GPN1: variants seen among roughly 807,000 people sequenced by gnomAD.
GPN1 encodes GPN-loop GTPase 1.
GPN1 carries 44 observed loss-of-function variants against 55.9 expected under a neutral mutation model. The ratio of observed to expected loss-of-function variants is 0.79; its 90% CI spans 0.62 to 1.01. The LOEUF (loss-of-function observed/expected upper bound fraction) is 1.01, where lower values mean the gene tolerates loss of function less well. Ranked by LOEUF, GPN1 falls within the 50% of genes least tolerant of loss-of-function variation. The pLI is 0.00. For synonymous variants in GPN1, 179 were observed against 162.5 expected (o/e 1.10, Z -0.77); for missense variants, 466 against 462.8 (o/e 1.01, Z -0.06).
intron 9 of GPN1, among the ~76,000 whole-genome samples, chr2:27,639,724 A>G (rs75559358): frequency 1.3e-5 from 2 of 151,946 alleles, no homozygotes; most frequent in Admixed American, 6.6e-5. Context: ...GGGTCTCGCT[A>G]TGTTCCCCAG....
At chr2:27,642,958 T>TATATATAC (rs10643705) in intron 12 of GPN1, among the ~76,000 whole-genome samples, 11 of 122,610 alleles carry the variant, frequency 9.0e-5, no homozygotes, top group African/African-American at 2.7e-4. Flanking sequence ...TATATATATA[T>TATATATAC]ACACACACAC....
chr2:27,631,855 C>A lies in GPN1; in HGVS notation c.267C>A (p.Gly89=). ...VMKQYGLGPN[G]GIVTSLNLFA... ...CTAGATATGGACTTGGACCCAATGG[C>A]GGCATAGTGACCTCACTCAATCTCT... Residue 89 remains glycine, a synonymous_variant, in exon 4 of 14, where the codon GGC becomes GGA. Transcript: ENST00000610189. 6.2e-7 allele frequency: 1 copy of A among 1,600,804 alleles called. No individual in the cohort carries two copies. Among genetic ancestry groups the A allele is most frequent in the Non-Finnish European group, 8.6e-7 (1 of 1,167,898 alleles).
In GPN1 at chr2:27,635,145, C is replaced by T. The variant is rs368001974; in HGVS notation, c.435C>T (p.Ser145=). 25 of 1,582,392 alleles carry T rather than the reference C, an allele frequency of 1.6e-5. No individual in the cohort carries two copies. Among genetic ancestry groups the T allele is most frequent in the Non-Finnish European group, 2.2e-5 (25 of 1,153,760 alleles). ...SGTIITEALA[S]SFPTVVIYVM... is the part of the protein sequence containing the mutation. Reference sequence around the variant, plus strand: ...TGATTTTTTTGTGGCTTTAGGCATCCTCATTTCCAACAGTTGTCATCTATG... The same window carrying T: ...TGATTTTTTTGTGGCTTTAGGCATCTTCATTTCCAACAGTTGTCATCTATG... Residue 145 remains serine, a synonymous_variant, in exon 7 of 14, where the codon TCC becomes TCT. Coordinates refer to ENST00000610189, the MANE Select transcript of GPN1 (RefSeq NM_007266.4).
At position 27,643,137 on chromosome 2, in the gene GPN1, T is replaced by G. The variant is rs1284172822; in HGVS notation, c.931+618T>G. On this transcript the variant is annotated intron_variant, in intron 12 of 13. Coordinates refer to ENST00000610189, the MANE Select transcript of GPN1 (RefSeq NM_007266.4). This position sits in a 1 kb window ranked among gnomAD's most constrained non-coding sequence, Gnocchi z 4.0. ...ATATACTTGATGTGTGCTGTGGTGGTTTTTTTTGTTTGTTTCTAACACTTT... is the reference window on the plus strand; with the variant it reads ...ATATACTTGATGTGTGCTGTGGTGGGTTTTTTTGTTTGTTTCTAACACTTT... Among the ~76,000 whole-genome samples, 3 of 151,056 alleles carry G rather than the reference T, an allele frequency of 2.0e-5. No individual in the cohort carries two copies. Among genetic ancestry groups the G allele is most frequent in the South Asian group, 2.1e-4 (1 of 4,800 alleles).
chr2:27,637,391 G>A (rs2141371), intron 7 of GPN1, among the ~76,000 whole-genome samples: 91,590 of 151,846 alleles, frequency 0.6, 28,560 homozygotes, highest in Middle Eastern at 0.7. Flanking sequence ...AGGTGCATAT[G>A]AGTAAACCTT....
In GPN1 at chr2:27,642,101, C is replaced by G. The variant is rs143029953; in HGVS notation, c.841-328C>G. 3.3e-3 allele frequency: 624 copies of G among 190,508 alleles called. 4 individuals carry two copies. Among genetic ancestry groups the G allele is most frequent in the African/African-American group, 0.014 (598 of 42,866 alleles). 11.8% of individuals were successfully genotyped at this position (190,508 alleles called of 1,614,324 possible). ...TTTCTATGTAGGCATTTTGCCTAGCCAGTTTAAATGTTCCAGTTCAATTAA... is the reference window on the plus strand; with the variant it reads ...TTTCTATGTAGGCATTTTGCCTAGCGAGTTTAAATGTTCCAGTTCAATTAA... On this transcript the variant is annotated intron_variant, in intron 11 of 13. Coordinates refer to ENST00000610189, the MANE Select transcript of GPN1 (RefSeq NM_007266.4).
At chr2:27,639,846 T>G (rs548383972) in intron 9 of GPN1, among the ~76,000 whole-genome samples, 197 bp from the exon 10 acceptor site, 1 of 152,320 alleles carries the variant, frequency 6.6e-6, no homozygotes, top group South Asian at 2.1e-4. Flanking sequence ...TTTCAATTTT[T>G]TATTTTCCAT....
Position 27,629,856 on chromosome 2 carries a change from C to T in GPN1, c.112-3C>T. On this transcript the variant is annotated splice_region_variant and splice_polypyrimidine_tract_variant and intron_variant, in intron 1 of 13. Transcript: ENST00000610189. ...TTCCAACCCTCTCCCCATATCTCTG[C>T]AGAGGCTCACAGGACACCTGCATGC... is the stretch of plus-strand genomic sequence containing the variant. 1.9e-6 allele frequency: 3 copies of T among 1,554,336 alleles called. No individual in the cohort carries two copies. The highest frequency in any genetic ancestry group is 2.7e-6 in the Non-Finnish European group (3 of 1,125,362).
intron 12 of GPN1, among the ~76,000 whole-genome samples, chr2:27,646,033 A>C (rs1674210073): frequency 1.3e-5 from 2 of 150,104 alleles, no homozygotes; most frequent in African/African-American, 4.9e-5. Flanking sequence ...CCCAGCTTGA[A>C]ATTTATGTAT....
At chr2:27,635,015 G>T in intron 6 of GPN1, 91 bp downstream of exon 6, 1 of 967,886 alleles carries the variant, frequency 1.0e-6, no homozygotes, top group Non-Finnish European at 1.7e-6. Flanking sequence ...TTATATGGGA[G>T]GAAGTTGTAG....
At chr2:27,629,204 C>T in intron 1 of GPN1, 35 bp downstream of exon 1, 1 of 1,604,116 alleles carries the variant, frequency 6.2e-7, no homozygotes, top group South Asian at 1.1e-5. Flanking sequence ...TAGGGGAGCG[C>T]AAAAGGTTGC....
intron 10 of GPN1, 92 bp from the exon 11 acceptor site, chr2:27,641,148 G>T: frequency 1.3e-6 from 1 of 788,834 alleles, no homozygotes; most frequent in South Asian, 1.6e-5. Context: ...TTTTATTATT[G>T]TCAGTCTTAG....
chr2:27,647,723 C>T (rs1159242163), intron 12 of GPN1, 113 bp from the exon 13 acceptor site: 19 of 651,568 alleles, frequency 2.9e-5, no homozygotes, highest in Admixed American at 4.7e-5. Flanking sequence ...TAAGATCCTG[C>T]GTTTATATGT....
rs1673717067 is a variant in GPN1, at chr2:27,635,952, T to C, written c.524+718T>C. ...ACAGGTGGCCAGGCATGGTGGCTCATGCCTATAATCCCAGCACTTGGGGAG... is the reference window on the plus strand; with the variant it reads ...ACAGGTGGCCAGGCATGGTGGCTCACGCCTATAATCCCAGCACTTGGGGAG... On this transcript the variant is annotated intron_variant, in intron 7 of 13. Transcript: ENST00000610189. Among the ~76,000 whole-genome samples, 4 of 152,106 alleles carry C rather than the reference T, an allele frequency of 2.6e-5. 1 individual carries two copies. The South Asian group carries it at 8.3e-4, about 32-fold the overall frequency.
chr2:27,641,257 A>G lies in GPN1; in HGVS notation c.818A>G (p.Tyr273Cys). The stretch of plus-strand genomic sequence containing the variant: ...CTTTACAGGGAGTATCGTCCTGAAT[A>G]TGAACGTCTGAAAAAATCACTGGTA... ...EEYEREYRPE[Y>C]ERLKKSLANA... The change falls in exon 11 of 14, where the codon TAT becomes TGT. Residue 273 changes from tyrosine (Y) to cysteine (C), a missense_variant. Transcript: ENST00000610189. The G allele has an allele frequency of 6.2e-7, 1 of 1,610,130 alleles. No homozygotes were observed. The highest frequency in any genetic ancestry group is 1.1e-5 in the South Asian group (1 of 90,938).
chr2:27,642,830 G>T (rs1220469178), intron 12 of GPN1, among the ~76,000 whole-genome samples: 1 of 151,984 alleles, frequency 6.6e-6, no homozygotes, highest in African/African-American at 2.4e-5. Context: ...CTCCCAAAAT[G>T]CTGGGATTAC....
chr2:27,640,027 TG>T lies in GPN1; in HGVS notation c.718-15del. On this transcript the variant is annotated splice_polypyrimidine_tract_variant and intron_variant, in intron 9 of 13. Coordinates refer to ENST00000610189, the MANE Select transcript of GPN1 (RefSeq NM_007266.4). ...ACAATGGTTTCTTTAGTGGCATTTA[TG>T]ATGCTTTTTGGCAGGTGGTGGGTGT... The T allele has an allele frequency of 6.5e-7, 1 of 1,542,496 alleles. No individual in the cohort carries two copies. The highest frequency in any genetic ancestry group is 9.0e-7 in the Non-Finnish European group (1 of 1,115,596).
rs1674471924 is a variant in GPN1, at chr2:27,650,439, G to C, written c.*239G>C. ...CTTTCCCTTGTATTTATGCAAGGAA[G>C]GATATACTGAGCTGATACTCTTCCA... On this transcript the variant is annotated 3_prime_UTR_variant, in exon 14 of 14. Transcript: ENST00000610189. 12 of 306,550 alleles carry C rather than the reference G, an allele frequency of 3.9e-5. No individual in the cohort carries two copies. In the South Asian group the frequency reaches 5.9e-4, roughly 15 times the overall value. The allele number at this position is 306,550 out of a possible 1,614,324, so 19.0% of individuals were successfully genotyped here. A position where few individuals can be genotyped will look rare whatever the true frequency, so the allele number is the denominator to read the frequency against.
At position 27,635,244 on chromosome 2, in the gene GPN1, T is replaced by G. The variant is rs746085163; in HGVS notation, c.524+10T>G. ...TGCTCTATGCCTGCAGGTAATTGAT[T>G]GTTGGTGGGGAAAGTGTTCCATCAA... On this transcript the variant is annotated intron_variant, in intron 7 of 13. Coordinates refer to ENST00000610189, the MANE Select transcript of GPN1 (RefSeq NM_007266.4). 8.6e-6 allele frequency: 12 copies of G among 1,392,236 alleles called. No homozygotes were observed. Among genetic ancestry groups the G allele is most frequent in the East Asian group, 6.9e-5 (3 of 43,702 alleles). 86.2% of individuals were successfully genotyped at this position (1,392,236 alleles called of 1,614,324 possible).
Sources: gnomAD v4.1 joint callset for allele counts (sites outside exome capture counted in the v4.1 genomes callset) on GRCh38, gnomAD v4.1.1 for gene constraint, Gnocchi (gnomAD v3.1) non-coding constraint, MANE v1.5 for transcripts, NCBI Gene and HGNC (gene_info 2026-07-23, HGNC 2026-07-21) for gene names.